Variants in MCTP2 observed in about 807,000 individuals in gnomAD.
MCTP2 encodes multiple C2 and transmembrane domain containing 2.
A neutral mutation model predicts 111.6 loss-of-function variants in MCTP2; 132 were observed. The observed-to-expected ratio is 1.18, with a 90% confidence interval of 1.03 to 1.37. The LOEUF (loss-of-function observed/expected upper bound fraction) is 1.37, where lower values mean the gene tolerates loss of function less well. Among genes scored for constraint, MCTP2 ranks in the 40% most tolerant of loss-of-function variants. MCTP2 has a pLI of 0.00. For synonymous variants in MCTP2, 395 were observed against 387.7 expected (o/e 1.02, Z -0.22); for missense variants, 1,183 against 1,067.9 (o/e 1.11, Z -1.50).
At chr15:94,341,159 G>T in intron 7 of MCTP2, 3 of 439,578 alleles carry the variant, frequency 6.8e-6, no homozygotes, top group Non-Finnish European at 1.2e-5. Flanking sequence ...AGATGATCAG[G>T]CATACATTTG....
chr15:94,269,941 C>T (rs1480163779), intron 1 of MCTP2, among the ~76,000 whole-genome samples: 5 of 152,084 alleles, frequency 3.3e-5, no homozygotes, highest in African/African-American at 1.2e-4. Context: ...TTCACTTATC[C>T]ATCTATATTG....
intron 21 of MCTP2, among the ~76,000 whole-genome samples, chr15:94,472,933 A>G (rs1401561668): frequency 1.3e-5 from 2 of 152,216 alleles, no homozygotes; most frequent in Admixed American, 1.3e-4. Flanking sequence ...AGATAAATGT[A>G]TATGTCTTAA....
At chr15:94,276,921 T>C (rs1174886272) in intron 1 of MCTP2, among the ~76,000 whole-genome samples, 1 of 134,546 alleles carries the variant, frequency 7.4e-6, no homozygotes, top group African/African-American at 2.9e-5. Context: ...ATATCACAAC[T>C]ACTGTTACGT....
intron 12 of MCTP2, among the ~76,000 whole-genome samples, chr15:94,380,245 A>T (rs2080057103): frequency 6.6e-6 from 1 of 152,122 alleles, no homozygotes; most frequent in Non-Finnish European, 1.5e-5. Context: ...GAAATTTACA[A>T]ATGTGGGATA....
At chr15:94,350,894 A>G (rs569081087) in intron 8 of MCTP2, among the ~76,000 whole-genome samples, 4 of 151,582 alleles carry the variant, frequency 2.6e-5, no homozygotes, top group South Asian at 4.2e-4. Context: ...TTTTTTTTTT[A>G]AATAGTAGGA....
chr15:94,232,850 C>T (rs1166672934), intron 1 of MCTP2, among the ~76,000 whole-genome samples: 2 of 152,136 alleles, frequency 1.3e-5, no homozygotes, highest in Non-Finnish European at 2.9e-5. Context: ...TTGTCAAAAC[C>T]ATGCTTAAAA....
In MCTP2 at chr15:94,358,585, A is replaced by G. The variant is rs780029366; in HGVS notation, c.1274A>G (p.Asn425Ser). Residue 425 changes from asparagine to serine, a missense_variant, in exon 10 of 23, where the codon AAC becomes AGC. Physicochemically the swap from Asn to Ser is conservative, Grantham distance 46. Coordinates refer to ENST00000357742, the MANE Select transcript of MCTP2 (RefSeq NM_001385001.1). ...ILDIEVWGKD[N>S]KKHEERLGTC... is the part of the protein sequence containing the mutation. ...GACATTGAAGTGTGGGGAAAGGACA[A>G]CAAAAAGCATGAGGAACGTCTGGGC... is the stretch of plus-strand genomic sequence containing the variant. The G allele has an allele frequency of 6.2e-7, 1 of 1,613,724 alleles. No individual in the cohort carries two copies. Among genetic ancestry groups the G allele is most frequent in the East Asian group, 2.2e-5 (1 of 44,838 alleles).
chr15:94,379,251 A>G (rs145616965), intron 12 of MCTP2, among the ~76,000 whole-genome samples: 2,196 of 152,098 alleles, frequency 0.014, 50 homozygotes, highest in African/African-American at 0.051. Flanking sequence ...CTTGCTGAAG[A>G]GTTGGTGAAC....
intron 12 of MCTP2, among the ~76,000 whole-genome samples, chr15:94,378,499 A>G (rs558607016): frequency 1.2e-4 from 19 of 152,320 alleles, no homozygotes; most frequent in Non-Finnish European, 2.6e-4. Context: ...TTGCACTCCA[A>G]CCTGGGTGAC....
In MCTP2 at chr15:94,479,662, G is replaced by A. The variant is rs558204969; in HGVS notation, c.*628G>A. The A allele has an allele frequency of 6.6e-6, 1 of 152,290 alleles. No individual in the cohort carries two copies. Among genetic ancestry groups the A allele is most frequent in the East Asian group, 1.9e-4 (1 of 5,178 alleles). 9.4% of individuals were successfully genotyped at this position (152,290 alleles called of 1,614,324 possible). A position where few individuals can be genotyped will look rare whatever the true frequency, so the allele number is the denominator to read the frequency against. The stretch of plus-strand genomic sequence containing the variant: ...TCTCGGTGCTGGATGCCAGCCTACA[G>A]CAGGGTCCATTGCTGGCAATGGATG... On this transcript the variant is annotated 3_prime_UTR_variant, in exon 23 of 23. Transcript: ENST00000357742.
intron 1 of MCTP2, among the ~76,000 whole-genome samples, chr15:94,271,491 C>T (rs1053862939): frequency 6.6e-6 from 1 of 152,076 alleles, no homozygotes; most frequent in African/African-American, 2.4e-5. Flanking sequence ...GTTTTCCTGT[C>T]TGCTTGGAGG....
At chr15:94,457,981 G>T (rs946764306) in intron 19 of MCTP2, among the ~76,000 whole-genome samples, 156 bp from the exon 20 acceptor site, 3 of 151,950 alleles carry the variant, frequency 2.0e-5, no homozygotes, top group South Asian at 2.1e-4. Flanking sequence ...GATTTTTCTG[G>T]GGGGGGAGTC....
chr15:94,363,671 A>G (rs1043267873), intron 10 of MCTP2, among the ~76,000 whole-genome samples: 22 of 152,178 alleles, frequency 1.4e-4, no homozygotes, highest in African/African-American at 5.3e-4. Flanking sequence ...CTAACACAGC[A>G]GTGACTTGGC....
chr15:94,402,581 A>C, intron 17 of MCTP2: 1 of 1,551,532 alleles, frequency 6.4e-7, no homozygotes, highest in Non-Finnish European at 8.7e-7. Flanking sequence ...GCAGAATCAA[A>C]GCGCTGCAAG....
chr15:94,427,944 T>C (rs1163233309), intron 17 of MCTP2, among the ~76,000 whole-genome samples: 7 of 152,200 alleles, frequency 4.6e-5, no homozygotes, highest in Non-Finnish European at 8.8e-5. Context: ...TTAACAACAA[T>C]AGTATCGGAA....
intron 22 of MCTP2, 27 bp from the exon 23 acceptor site, chr15:94,478,939 C>A (rs760567474): frequency 1.2e-6 from 2 of 1,611,262 alleles, no homozygotes; most frequent in East Asian, 4.5e-5. Context: ...ACCTAACCGC[C>A]AGCATCACGG....
intron 21 of MCTP2, among the ~76,000 whole-genome samples, chr15:94,473,193 A>C (rs762047208): frequency 1.1e-4 from 16 of 152,152 alleles, no homozygotes; most frequent in Non-Finnish European, 1.8e-4. Flanking sequence ...TATACTAGCT[A>C]TTGGGAATAT....
At chr15:94,327,857 T>C (rs2076950942) in intron 4 of MCTP2, among the ~76,000 whole-genome samples, 1 of 152,210 alleles carries the variant, frequency 6.6e-6, no homozygotes. Flanking sequence ...ATGGTTTTGT[T>C]TTGGGACTCT....
intron 17 of MCTP2, among the ~76,000 whole-genome samples, chr15:94,436,138 G>A (rs2083465007): frequency 2.6e-5 from 4 of 152,020 alleles, no homozygotes; most frequent in South Asian, 4.1e-4. Context: ...GTACCTCTGC[G>A]CTCTGCAGTG....
Sources: allele counts gnomAD v4.1 joint callset (sites outside exome capture counted in the v4.1 genomes callset), GRCh38; gene constraint gnomAD v4.1.1; transcripts MANE v1.5; gene names NCBI Gene and HGNC (gene_info 2026-07-23, HGNC 2026-07-21).